The following PLD5 variants were observed in gnomAD, a reference collection of about 807,000 sequenced individuals.
PLD5 encodes phospholipase D family member 5.
PLD5 carries 36 observed loss-of-function variants against 61.1 expected under a neutral mutation model. The observed-to-expected ratio is 0.59, with a 90% CI of 0.45 to 0.78. The LOEUF is 0.78. PLD5 is among the 30% of genes least tolerant of loss of function. The pLI is 0.00. For synonymous variants in PLD5, 243 were observed against 242.8 expected, an observed-to-expected ratio of 1.00 and a Z score of -0.01; for missense variants, 515 against 644.4, an observed-to-expected ratio of 0.80 and a Z score of 2.17.
At chr1:242,239,155 A>G (rs1254835814) in intron 4 of PLD5, among the ~76,000 whole-genome samples, 1 of 152,098 alleles carries the variant, frequency 6.6e-6, no homozygotes, top group East Asian at 1.9e-4. Context: ...AGAAAATTGG[A>G]ACTTGTATTT....
At chr1:242,195,506 C>G (rs1668585612) in intron 5 of PLD5, among the ~76,000 whole-genome samples, 1 of 152,232 alleles carries the variant, frequency 6.6e-6, no homozygotes, top group African/African-American at 2.4e-5. Flanking sequence ...CCAAGTGACA[C>G]AGAGAGCCTG....
chr1:242,240,964 C>A (rs1037541108), intron 4 of PLD5, among the ~76,000 whole-genome samples: 3 of 152,020 alleles, frequency 2.0e-5, no homozygotes, highest in African/African-American at 7.2e-5. Flanking sequence ...GTAACTACAA[C>A]AAGGTAAATG....
intron 1 of PLD5, among the ~76,000 whole-genome samples, chr1:242,418,276 A>G (rs1199366262): frequency 1.3e-5 from 2 of 152,196 alleles, no homozygotes; most frequent in South Asian, 4.1e-4. Context: ...TTATTGCAGG[A>G]GAACCTAATT....
chr1:242,394,444 G>GAACATATATA (rs1304233669), intron 1 of PLD5, among the ~76,000 whole-genome samples: 1 of 94,332 alleles, frequency 1.1e-5, no homozygotes, highest in African/African-American at 4.9e-5. Flanking sequence ...GTATATATGT[G>GAACATATATA]TGTATATGAG....
chr1:242,177,700 T>G (rs1667253748), intron 5 of PLD5: 1 of 152,162 alleles, frequency 6.6e-6, no homozygotes, highest in Admixed American at 6.5e-5. Context: ...TTCCATAAAA[T>G]CTATAAATAA....
intron 5 of PLD5, among the ~76,000 whole-genome samples, chr1:242,199,027 C>T (rs547405008): frequency 6.6e-6 from 1 of 152,292 alleles, no homozygotes; most frequent in Admixed American, 6.5e-5. Flanking sequence ...AGCCACTGTG[C>T]CCTGCCTCAT....
At position 242,506,885 on chromosome 1, in the gene PLD5, A is replaced by T. The variant is rs533238904; in HGVS notation, c.189+17203T>A. Among the ~76,000 whole-genome samples, 4 of 152,326 alleles carry T rather than the reference A, an allele frequency of 2.6e-5. No homozygotes were observed. The East Asian group carries it at 7.8e-4, about 30-fold the overall frequency. On this transcript the variant is annotated intron_variant, in intron 1 of 9. Transcript: ENST00000536534. ...CAATGCCAGCCTCTGCACCAGTCCC[A>T]GATTCAGCATCTGCAAGTGACTATG...
chr1:242,299,376 T>C (rs956034111), intron 2 of PLD5, among the ~76,000 whole-genome samples: 14 of 152,258 alleles, frequency 9.2e-5, no homozygotes, highest in Admixed American at 6.5e-4. Context: ...ATCTTATTCA[T>C]TCTATTTTTT....
At chr1:242,163,383 T>C (rs2148852796) in intron 5 of PLD5, among the ~76,000 whole-genome samples, 1 of 152,140 alleles carries the variant, frequency 6.6e-6, no homozygotes, top group South Asian at 2.1e-4. Flanking sequence ...GACCTCGTGA[T>C]CCAGCTGCCT....
chr1:242,301,116 C>T (rs1484049828), intron 2 of PLD5, among the ~76,000 whole-genome samples: 3 of 152,204 alleles, frequency 2.0e-5, no homozygotes, highest in East Asian at 1.9e-4. Context: ...GAGACCTATC[C>T]CACCCTCAAC....
At chr1:242,447,740 C>T (rs527908939) in intron 1 of PLD5, among the ~76,000 whole-genome samples, 1 of 152,202 alleles carries the variant, frequency 6.6e-6, no homozygotes, top group Admixed American at 6.5e-5. Context: ...TCACTCTCTT[C>T]GGAGGTCTGT....
intron 3 of PLD5, among the ~76,000 whole-genome samples, chr1:242,268,921 C>A (rs1399310393): frequency 2.0e-5 from 3 of 152,138 alleles, no homozygotes; most frequent in Non-Finnish European, 4.4e-5. Context: ...CGGCTCACTG[C>A]AACCTCTGCC....
chr1:242,289,287 C>T (rs1464430989), intron 2 of PLD5, among the ~76,000 whole-genome samples: 2 of 152,130 alleles, frequency 1.3e-5, no homozygotes, highest in Non-Finnish European at 2.9e-5. Flanking sequence ...CAGATAACTT[C>T]TGAACAAAGG....
At chr1:242,179,057 T>C (rs1667352105) in intron 5 of PLD5, among the ~76,000 whole-genome samples, 1 of 152,244 alleles carries the variant, frequency 6.6e-6, no homozygotes, top group Non-Finnish European at 1.5e-5. Flanking sequence ...CTACTTGTTT[T>C]ATGTAATTGC....
intron 8 of PLD5, among the ~76,000 whole-genome samples, chr1:242,101,615 C>G (rs1468170962): frequency 6.6e-6 from 1 of 152,126 alleles, no homozygotes; most frequent in Non-Finnish European, 1.5e-5. Flanking sequence ...CTGCGTGGAA[C>G]CTTGTGGAAT....
chr1:242,348,717 G>A (rs955391132), intron 1 of PLD5, among the ~76,000 whole-genome samples: 2 of 152,146 alleles, frequency 1.3e-5, no homozygotes, highest in African/African-American at 2.4e-5. Context: ...GCCCAAGGTG[G>A]TTGGGCCATA....
intron 1 of PLD5, among the ~76,000 whole-genome samples, chr1:242,450,413 GA>G (rs1666733532): frequency 6.6e-6 from 1 of 152,162 alleles, no homozygotes; most frequent in Non-Finnish European, 1.5e-5. Flanking sequence ...TTAATACATT[GA>G]TTTCCCATTA....
intron 5 of PLD5, among the ~76,000 whole-genome samples, chr1:242,163,465 C>T (rs1268887625): frequency 6.6e-6 from 1 of 151,994 alleles, no homozygotes; most frequent in South Asian, 2.1e-4. Context: ...TAATTGCTGT[C>T]ATTGAGAAGA....
At position 242,503,308 on chromosome 1, in the gene PLD5, C is replaced by G. The variant is rs574181668; in HGVS notation, c.189+20780G>C. Among the ~76,000 whole-genome samples, 15 of 152,202 alleles carry G rather than the reference C, an allele frequency of 9.9e-5. 1 individual carries two copies. Among genetic ancestry groups the G allele is most frequent in the African/African-American group, 3.6e-4 (15 of 41,530 alleles). ...GTTGTTTAAAAGGATGTGGCCCCTCCCATTCACTCTAGCTGCTGCTCCTGC... is the reference window on the plus strand; with the variant it reads ...GTTGTTTAAAAGGATGTGGCCCCTCGCATTCACTCTAGCTGCTGCTCCTGC... On this transcript the variant is annotated intron_variant, in intron 1 of 9. Transcript: ENST00000536534.
Sources: allele counts gnomAD v4.1 joint callset (sites outside exome capture counted in the v4.1 genomes callset), GRCh38; gene constraint gnomAD v4.1.1; transcripts MANE v1.5; gene names NCBI Gene and HGNC (gene_info 2026-07-23, HGNC 2026-07-21).